STAG2: variants seen among roughly 807,000 people sequenced by gnomAD.
The protein encoded by STAG2 is STAG2 cohesin complex component.
A neutral mutation model predicts 108.1 loss-of-function variants in STAG2; 14 were observed. The observed-to-expected ratio is 0.13, with a 90% confidence interval of 0.09 to 0.20. STAG2 has a LOEUF of 0.20. STAG2 is among the 10% of genes least tolerant of loss of function. The pLI, the probability that STAG2 is intolerant of heterozygous loss-of-function variation, is 1.00. For missense variants in STAG2, 440 were observed against 940.9 expected, an observed-to-expected ratio of 0.47 and a Z score of 6.96; for synonymous variants, 307 against 302.7, an observed-to-expected ratio of 1.01 and a Z score of -0.15.
At chrX:123,987,671 T>A (rs750576506) in intron 1 of STAG2, among the ~76,000 whole-genome samples, 1 of 112,296 alleles carries the variant, frequency 8.9e-6, no homozygotes, top group South Asian at 3.6e-4. Flanking sequence ...ATAGAAAAAA[T>A]TGTAGAGATG....
rs559563983 is a variant in STAG2 at position 124,024,159 on chromosome X, C to T, written c.44+1488C>T. On this transcript the variant is annotated intron_variant, in intron 3 of 34. Transcript: ENST00000371145. ...GAAAGTTTTTCAGTAAGTTACCAAA[C>T]CTCTAGTGCTTCACTCTTAGTTGGG... Among the ~76,000 whole-genome samples, 12 of 110,704 alleles carry T rather than the reference C, an allele frequency of 1.1e-4. No homozygotes were observed. The Admixed American group carries it at 1.2e-3, about 11-fold the overall frequency.
intron 25 of STAG2, among the ~76,000 whole-genome samples, chrX:124,074,112 C>G (rs887284482): frequency 1.8e-5 from 2 of 112,231 alleles, no homozygotes; most frequent in Non-Finnish European, 3.8e-5. Flanking sequence ...TGAGATCTTG[C>G]TATATTGCTC....
At chrX:123,996,018 G>A (rs568029629) in intron 1 of STAG2, among the ~76,000 whole-genome samples, 22 of 112,071 alleles carry the variant, frequency 2.0e-4, no homozygotes, top group African/African-American at 6.5e-4. Flanking sequence ...TTAGCAGATT[G>A]CCAAAAATCT....
At chrX:124,005,655 C>A (rs143886648) in intron 1 of STAG2, among the ~76,000 whole-genome samples, 31 of 111,776 alleles carry the variant, frequency 2.8e-4, no homozygotes, top group African/African-American at 9.1e-4. Flanking sequence ...TTCAGTAATT[C>A]ATTTCTTTCT....
chrX:124,043,239 C>T (rs1385576389), intron 7 of STAG2, among the ~76,000 whole-genome samples: 1 of 106,685 alleles, frequency 9.4e-6, no homozygotes, highest in Non-Finnish European at 1.9e-5. Flanking sequence ...AGCAATTCTC[C>T]TGCCACAGCC....
In STAG2 at chrX:124,100,721, G is replaced by GCTTACA. The variant is rs1257057906; in HGVS notation, c.*129_*130insACTTAC. ...TCTAAGGAGAATATGACATGCTTAT[G>GCTTACA]CTTACCAAGATCAAGTGCATTGAGG... On this transcript the variant is annotated 3_prime_UTR_variant, in exon 35 of 35. Coordinates refer to ENST00000371145, the MANE Select transcript of STAG2 (RefSeq NM_001042750.2). 2 of 515,378 alleles carry GCTTACA rather than the reference G, an allele frequency of 3.9e-6. No homozygotes were observed. Among genetic ancestry groups the GCTTACA allele is most frequent in the Non-Finnish European group, 6.3e-6 (2 of 318,947 alleles). The allele number at this position is 515,378 out of a possible 1,213,427, so 42.5% of individuals were successfully genotyped here.
intron 6 of STAG2, among the ~76,000 whole-genome samples, chrX:124,040,058 A>G (rs2057659045): frequency 8.9e-6 from 1 of 112,084 alleles, no homozygotes; most frequent in Admixed American, 9.5e-5. Context: ...AATTTACTAT[A>G]TAATCAAAGA....
At chrX:124,067,340 C>T (rs2058561888) in intron 23 of STAG2, among the ~76,000 whole-genome samples, 1 of 92,596 alleles carries the variant, frequency 1.1e-5, no homozygotes, top group Non-Finnish European at 2.1e-5. Context: ...ACAATCTCGG[C>T]TCACTGCAAC....
At chrX:124,020,785 C>G (rs1457095316) in intron 1 of STAG2, among the ~76,000 whole-genome samples, 1 of 112,197 alleles carries the variant, frequency 8.9e-6, no homozygotes, top group Non-Finnish European at 1.9e-5. Context: ...TCTCAGCTTG[C>G]TTCAGCCTCC....
At chrX:123,992,287 TTTTA>T (rs1334877560) in intron 1 of STAG2, among the ~76,000 whole-genome samples, 1 of 111,884 alleles carries the variant, frequency 8.9e-6, no homozygotes, top group Non-Finnish European at 1.9e-5. Context: ...AAATCCTTAA[TTTTA>T]TTTATTATTA....
chrX:124,049,216 C>G (rs754687989), intron 10 of STAG2, 138 bp downstream of exon 10: 42 of 463,079 alleles, frequency 9.1e-5, no homozygotes, highest in Non-Finnish European at 1.4e-4. Context: ...ATTAGTGCCA[C>G]TGAGTCACTC....
In STAG2 at chrX:124,102,060, C is replaced by T. The variant is rs2059514651; in HGVS notation, c.*1463C>T. The stretch of plus-strand genomic sequence containing the variant: ...AGATGGGTGAATACCAAAAGGCTTT[C>T]AGTTTTTAGTCAGAAATCAAGCATT... On this transcript the variant is annotated 3_prime_UTR_variant, in exon 35 of 35. Coordinates refer to ENST00000371145, the MANE Select transcript of STAG2 (RefSeq NM_001042750.2). 6.3e-6 allele frequency: 1 copy of T among 159,812 alleles called. No individual in the cohort carries two copies. 13.2% of individuals were successfully genotyped at this position (159,812 alleles called of 1,213,427 possible).
chrX:124,091,513 CA>C (rs2059250981), intron 32 of STAG2, among the ~76,000 whole-genome samples: 1 of 112,471 alleles, frequency 8.9e-6, no homozygotes, highest in Non-Finnish European at 1.9e-5. Context: ...TCATGGCATG[CA>C]AGATGTTTCA....
chrX:124,049,434 T>C (rs978359502), intron 10 of STAG2, among the ~76,000 whole-genome samples: 12 of 112,154 alleles, frequency 1.1e-4, no homozygotes, highest in African/African-American at 3.9e-4. Context: ...GTGGGAACAA[T>C]TGGATAGGTT....
chrX:124,061,199 C>T (rs765385442), intron 15 of STAG2, 25 bp from the exon 16 acceptor site: 3 of 1,089,773 alleles, frequency 2.8e-6, no homozygotes, highest in Non-Finnish European at 3.8e-6. Context: ...TTGTCTAAGA[C>T]CACATTGCTC....
rs189624543 is a variant in STAG2 at position 124,079,777 on chromosome X, C to T, written c.2776-1603C>T. On this transcript the variant is annotated intron_variant, in intron 27 of 34. Transcript: ENST00000371145. ...CCTTAATGTTTTCACTTCACAATAA[C>T]CTTTTTGTTTTTTGATGGCCTTGTT... Among the ~76,000 whole-genome samples the T allele has an allele frequency of 1.2e-3, 134 of 112,408 alleles. 1 individual carries two copies. The highest frequency in any genetic ancestry group is 4.1e-3 in the African/African-American group (126 of 31,022).
intron 25 of STAG2, among the ~76,000 whole-genome samples, 182 bp downstream of exon 25, chrX:124,071,505 A>C (rs2058662636): frequency 9.0e-6 from 1 of 111,636 alleles, no homozygotes; most frequent in Non-Finnish European, 1.9e-5. Context: ...GTGATGTTGC[A>C]GAGTATAGGC....
chrX:124,052,316 A>C (rs2148236805), intron 13 of STAG2, among the ~76,000 whole-genome samples: 1 of 112,055 alleles, frequency 8.9e-6, no homozygotes, highest in African/African-American at 3.2e-5. Context: ...CTCTGTACCC[A>C]TTAAACACTG....
intron 1 of STAG2, among the ~76,000 whole-genome samples, chrX:124,000,525 A>T (rs1221091678): frequency 9.1e-6 from 1 of 109,603 alleles, no homozygotes; most frequent in African/African-American, 3.3e-5. Context: ...TACCCAAAAA[A>T]ATTAGCCAGA....
Sources: gnomAD v4.1 joint callset for allele counts (sites outside exome capture counted in the v4.1 genomes callset) on GRCh38, gnomAD v4.1.1 for gene constraint, MANE v1.5 for transcripts, NCBI Gene and HGNC (gene_info 2026-07-23, HGNC 2026-07-21) for gene names.